Variants in CCDC192 observed in about 807,000 individuals in gnomAD.
CCDC192 encodes coiled-coil domain-containing protein 192.
chr5:127,921,785 A>C (rs1344071057), intron 6 of CCDC192, among the ~76,000 whole-genome samples: 1 of 152,166 alleles, frequency 6.6e-6, no homozygotes, highest in African/African-American at 2.4e-5. Flanking sequence ...TTCTCTCTCC[A>C]TACTGGGTCA....
At chr5:127,859,246 C>T (rs1751251249) in intron 5 of CCDC192, among the ~76,000 whole-genome samples, 1 of 152,094 alleles carries the variant, frequency 6.6e-6, no homozygotes, top group Admixed American at 6.6e-5. Context: ...TATTAACAAA[C>T]ATGTTTTGTC....
At chr5:127,822,459 G>A (rs1021745931) in intron 5 of CCDC192, among the ~76,000 whole-genome samples, 1 of 151,750 alleles carries the variant, frequency 6.6e-6, no homozygotes, top group East Asian at 1.9e-4. Flanking sequence ...GTCCTAGTGG[G>A]GTTAAAAAAA....
At chr5:127,930,306 A>T (rs1207483971) in intron 6 of CCDC192, among the ~76,000 whole-genome samples, 1 of 152,232 alleles carries the variant, frequency 6.6e-6, no homozygotes, top group Non-Finnish European at 1.5e-5. Context: ...ATTGACTTTG[A>T]GTCCATACTG....
intron 3 of CCDC192, among the ~76,000 whole-genome samples, chr5:127,760,312 A>G (rs1451698603): frequency 6.7e-6 from 1 of 149,602 alleles, no homozygotes; most frequent in African/African-American, 2.5e-5. Context: ...AGTGCTCTTT[A>G]AAGGTTTTTT....
chr5:127,731,775 T>C (rs1193891994), intron 2 of CCDC192, among the ~76,000 whole-genome samples: 1 of 152,192 alleles, frequency 6.6e-6, no homozygotes, highest in African/African-American at 2.4e-5. Flanking sequence ...CCCTGTTTAA[T>C]AAATGGTGCT....
chr5:127,906,933 AC>A (rs1267377123), intron 6 of CCDC192, among the ~76,000 whole-genome samples: 1 of 152,146 alleles, frequency 6.6e-6, no homozygotes, highest in Non-Finnish European at 1.5e-5. Flanking sequence ...CAGCTGCTGA[AC>A]CATTTTACAT....
intron 2 of CCDC192, among the ~76,000 whole-genome samples, chr5:127,748,552 G>C (rs1285268395): frequency 7.0e-6 from 1 of 143,164 alleles, no homozygotes; most frequent in African/African-American, 2.5e-5. Flanking sequence ...GATGCCTCCA[G>C]CTTTGTTCTT....
intron 2 of CCDC192, among the ~76,000 whole-genome samples, chr5:127,737,588 G>A (rs1307744003): frequency 6.6e-6 from 1 of 151,460 alleles, no homozygotes; most frequent in African/African-American, 2.4e-5. Flanking sequence ...GGTCACTCAG[G>A]ACTTGCTTTA....
chr5:127,829,379 G>GCAAT (rs2127037804), intron 5 of CCDC192, among the ~76,000 whole-genome samples: 1 of 56,878 alleles, frequency 1.8e-5, no homozygotes, highest in African/African-American at 8.8e-5. Flanking sequence ...TTGTTTTTTG[G>GCAAT]TAATTATAAA....
At chr5:127,720,598 C>T (rs938194637) in intron 2 of CCDC192, among the ~76,000 whole-genome samples, 1 of 152,218 alleles carries the variant, frequency 6.6e-6, no homozygotes, top group Non-Finnish European at 1.5e-5. Flanking sequence ...AGTGGGGACT[C>T]TGTATGTAGG....
rs34554412 is a variant in CCDC192 at position 127,885,118 on chromosome 5, TA to T, written c.535+9468del. 1.7e-3 allele frequency among the ~76,000 whole-genome samples: 251 copies of T among 149,388 alleles called. 1 individual carries two copies. Among genetic ancestry groups the T allele is most frequent in the African/African-American group, 5.5e-3 (225 of 40,818 alleles). ...GAATGGTACTTTTTGTTTGTTTGTT[TA>T]AAAAAAAAAAGTCTTCTTCCCTCTG... On this transcript the variant is annotated intron_variant, in intron 6 of 6. Coordinates refer to ENST00000514853, the MANE Select transcript of CCDC192 (RefSeq NM_001317938.2).
intron 6 of CCDC192, among the ~76,000 whole-genome samples, chr5:127,881,122 A>G (rs746720826): frequency 2.0e-5 from 3 of 152,220 alleles, no homozygotes; most frequent in Non-Finnish European, 4.4e-5. Flanking sequence ...CTCCAGTGGT[A>G]TAATTTCAGA....
chr5:127,818,133 A>G lies in CCDC192; in HGVS notation c.411+19971A>G, dbSNP rs150907759. ...GGCGTAGTGATTTTTAATCAACATG[A>G]TATTTACATATTTTTTTGCTTATAA... On this transcript the variant is annotated intron_variant, in intron 5 of 6. Coordinates refer to ENST00000514853, the MANE Select transcript of CCDC192 (RefSeq NM_001317938.2). 2.0e-5 allele frequency among the ~76,000 whole-genome samples: 3 copies of G among 151,856 alleles called. No homozygotes were observed. The East Asian group carries it at 5.8e-4, about 29-fold the overall frequency.
intron 3 of CCDC192, 135 bp downstream of exon 3, chr5:127,754,510 C>CACAT (rs914423082): frequency 2.6e-6 from 1 of 383,862 alleles, no homozygotes; most frequent in African/African-American, 2.1e-5. Context: ...CACACACACA[C>CACAT]ACATTGCAGT....
At chr5:127,728,873 T>C (rs1286292402) in intron 2 of CCDC192, among the ~76,000 whole-genome samples, 1 of 151,564 alleles carries the variant, frequency 6.6e-6, no homozygotes, top group African/African-American at 2.4e-5. Flanking sequence ...AAATGCAAAG[T>C]AGAAAAAAAC....
intron 5 of CCDC192, among the ~76,000 whole-genome samples, chr5:127,834,818 T>C (rs1010111691): frequency 3.3e-5 from 5 of 152,154 alleles, no homozygotes; most frequent in Non-Finnish European, 7.3e-5. Flanking sequence ...GTGAAGAATA[T>C]GTGATTGTGC....
chr5:127,941,432 T>G lies in CCDC192; in HGVS notation c.786T>G (p.His262Gln). Reference sequence around the variant, plus strand: ...CAGAAGCCCCAGTTTTCTCTACTCATGACATCCCACCTGTGGTCTCTGATG... The same window carrying G: ...CAGAAGCCCCAGTTTTCTCTACTCAGGACATCCCACCTGTGGTCTCTGATG... ...CLPEAPVFST[H>Q]DIPPVVSDEN... is the part of the protein sequence containing the mutation. The change falls in exon 7 of 7, where the codon CAT (histidine) becomes CAG (glutamine). Residue 262 changes from histidine to glutamine, a missense_variant. His to Gln is a conservative substitution (Grantham distance 24). Transcript: ENST00000514853. 5.0e-6 allele frequency: 2 copies of G among 399,056 alleles called. No homozygotes were observed. Among genetic ancestry groups the G allele is most frequent in the Non-Finnish European group, 8.8e-6 (2 of 226,068 alleles). The allele number at this position is 399,056 out of a possible 1,614,324, so 24.7% of individuals were successfully genotyped here. A position where few individuals can be genotyped will look rare whatever the true frequency, so the allele number is the denominator to read the frequency against.
At chr5:127,735,405 A>G (rs1461655673) in intron 2 of CCDC192, among the ~76,000 whole-genome samples, 1 of 149,142 alleles carries the variant, frequency 6.7e-6, no homozygotes, top group Admixed American at 6.7e-5. Flanking sequence ...TGTCTTGGAA[A>G]TGTGGGCTCT....
intron 2 of CCDC192, among the ~76,000 whole-genome samples, chr5:127,739,229 A>T (rs1225424475): frequency 4.6e-5 from 7 of 152,116 alleles, no homozygotes; most frequent in Non-Finnish European, 7.4e-5. Flanking sequence ...GGTGCCTCCC[A>T]GTTAGGCTGC....
Sources: gnomAD v4.1 joint callset for allele counts (sites outside exome capture counted in the v4.1 genomes callset) on GRCh38, gnomAD v4.1.1 for gene constraint, MANE v1.5 for transcripts, NCBI Gene and HGNC (gene_info 2026-07-23, HGNC 2026-07-21) for gene names.